The following PDE7B variants were observed in gnomAD, a reference collection of about 807,000 sequenced individuals.
PDE7B encodes the protein 3',5'-cyclic-AMP phosphodiesterase 7B.
A neutral mutation model predicts 56.2 loss-of-function variants in PDE7B; 29 were observed. The ratio of observed to expected loss-of-function variants is 0.52; its 90% CI spans 0.38 to 0.70. PDE7B has a LOEUF of 0.70. Ranked by LOEUF, PDE7B falls within the 30% of genes least tolerant of loss-of-function variation. PDE7B has a pLI of 0.00. For synonymous variants in PDE7B, 197 were observed against 196.9 expected, an observed-to-expected ratio of 1.00 and a Z score of 0.00; for missense variants, 490 against 565.0, an observed-to-expected ratio of 0.87 and a Z score of 1.35.
At chr6:136,055,518 C>G (rs1776714652) in intron 2 of PDE7B, among the ~76,000 whole-genome samples, 2 of 152,156 alleles carry the variant, frequency 1.3e-5, no homozygotes, top group Admixed American at 1.3e-4. Flanking sequence ...ATACATTTTT[C>G]ATTTTATTTG....
At chr6:135,858,965 A>G (rs777736281) in intron 1 of PDE7B, among the ~76,000 whole-genome samples, 9 of 152,110 alleles carry the variant, frequency 5.9e-5, no homozygotes, top group Non-Finnish European at 1.2e-4. Context: ...AGTAGAAAAC[A>G]TTATATTAAG....
intron 8 of PDE7B, among the ~76,000 whole-genome samples, chr6:136,158,705 G>A (rs574601710): frequency 9.8e-5 from 15 of 152,308 alleles, no homozygotes; most frequent in Middle Eastern, 3.4e-3. Context: ...TGCCAACCAA[G>A]TTCAATATGA....
At chr6:135,934,863 A>T (rs1453288946) in intron 1 of PDE7B, among the ~76,000 whole-genome samples, 9 of 105,042 alleles carry the variant, frequency 8.6e-5, no homozygotes, top group South Asian at 2.4e-4. Context: ...AAATATATAT[A>T]AAAATATATA....
intron 1 of PDE7B, among the ~76,000 whole-genome samples, chr6:135,905,977 A>G (rs1350294011): frequency 3.3e-5 from 5 of 152,092 alleles, no homozygotes; most frequent in African/African-American, 9.7e-5. Context: ...TCTTTGTTCA[A>G]ATTATAAAGA....
At chr6:136,169,511 C>T (rs189006944) in intron 8 of PDE7B, among the ~76,000 whole-genome samples, 3 of 152,290 alleles carry the variant, frequency 2.0e-5, no homozygotes, top group African/African-American at 7.2e-5. Context: ...GGCTGGCATA[C>T]ATCACCATGC....
At chr6:136,093,158 G>A (rs896956035) in intron 2 of PDE7B, among the ~76,000 whole-genome samples, 2 of 152,166 alleles carry the variant, frequency 1.3e-5, no homozygotes, top group African/African-American at 4.8e-5. Flanking sequence ...TAATTACCCA[G>A]TATGATGGCT....
chr6:136,047,935 A>T (rs1206800484), intron 2 of PDE7B, among the ~76,000 whole-genome samples: 1 of 152,222 alleles, frequency 6.6e-6, no homozygotes, highest in African/African-American at 2.4e-5. Context: ...ATAATACTCT[A>T]TGGGAACGTA....
intron 3 of PDE7B, among the ~76,000 whole-genome samples, chr6:136,136,964 A>G (rs1181606749): frequency 6.6e-5 from 10 of 152,020 alleles, no homozygotes; most frequent in African/African-American, 2.2e-4. Context: ...TAATCAACAA[A>G]TTTTTTACTG....
rs1779292725 is a variant in PDE7B at position 136,195,034 on chromosome 6, CT to C, written c.*3195del. On this transcript the variant is annotated 3_prime_UTR_variant, in exon 13 of 13. Transcript: ENST00000308191. ...GCTTGAGAAGAAAGGAATCAAAGGA[CT>C]GTGTGTAGTAAGCTGACGGTAAAGT... 6.6e-6 allele frequency: 1 copy of C among 152,158 alleles called. No individual in the cohort carries two copies. Among genetic ancestry groups the C allele is most frequent in the Admixed American group, 6.5e-5 (1 of 15,282 alleles). The allele number at this position is 152,158 out of a possible 1,614,324, so 9.4% of individuals were successfully genotyped here.
chr6:136,084,911 T>C (rs917239119), intron 2 of PDE7B, among the ~76,000 whole-genome samples: 1 of 152,110 alleles, frequency 6.6e-6, no homozygotes, highest in African/African-American at 2.4e-5. Flanking sequence ...AAAAAATCAC[T>C]CCAGAAATTC....
intron 8 of PDE7B, among the ~76,000 whole-genome samples, chr6:136,167,099 G>A (rs1039420865): frequency 6.6e-6 from 1 of 152,134 alleles, no homozygotes; most frequent in African/African-American, 2.4e-5. Context: ...ACTCCCTCCT[G>A]CCTTCAAGCT....
chr6:136,181,185 G>A, intron 10 of PDE7B, 42 bp from the exon 11 acceptor site: 1 of 1,457,738 alleles, frequency 6.9e-7, no homozygotes, highest in East Asian at 2.3e-5. Context: ...GCAACTGAAA[G>A]AACATCCTCT....
intron 3 of PDE7B, among the ~76,000 whole-genome samples, chr6:136,122,944 T>C (rs543442437): frequency 2.4e-4 from 36 of 152,336 alleles, no homozygotes; most frequent in African/African-American, 8.2e-4. Context: ...CTAAGACTGC[T>C]GGGATATTCT....
chr6:136,008,331 T>C (rs1775825272), intron 2 of PDE7B, among the ~76,000 whole-genome samples: 2 of 152,222 alleles, frequency 1.3e-5, no homozygotes. Context: ...TGTCTTATAA[T>C]CCTTTGGGTA....
intron 2 of PDE7B, among the ~76,000 whole-genome samples, chr6:135,967,222 C>T (rs534655429): frequency 2.0e-5 from 3 of 152,268 alleles, no homozygotes; most frequent in Non-Finnish European, 2.9e-5. Flanking sequence ...AGATTGTACA[C>T]CATAATCTCT....
chr6:136,115,339 A>G (rs1263098306), intron 3 of PDE7B, among the ~76,000 whole-genome samples: 1 of 152,170 alleles, frequency 6.6e-6, no homozygotes, highest in East Asian at 1.9e-4. Context: ...CAAGCAGATT[A>G]TGGAAGCAAC....
At chr6:136,164,345 A>G (rs897579962) in intron 8 of PDE7B, among the ~76,000 whole-genome samples, 1 of 152,142 alleles carries the variant, frequency 6.6e-6, no homozygotes, top group Non-Finnish European at 1.5e-5. Context: ...CCATGATTCA[A>G]TTACCTCTCA....
At chr6:135,928,449 T>A (rs867799035) in intron 1 of PDE7B, among the ~76,000 whole-genome samples, 2,260 of 87,276 alleles carry the variant, frequency 0.026, 22 homozygotes, top group African/African-American at 0.03. Context: ...ATATATATAT[T>A]TATTTATATA....
chr6:135,855,073 TGA>T, intron 1 of PDE7B, among the ~76,000 whole-genome samples: 1 of 152,240 alleles, frequency 6.6e-6, no homozygotes, highest in Non-Finnish European at 1.5e-5. Context: ...CAGGCTCTAA[TGA>T]GCTGGGTGAC....
Sources: allele counts gnomAD v4.1 joint callset (sites outside exome capture counted in the v4.1 genomes callset), GRCh38; gene constraint gnomAD v4.1.1; transcripts MANE v1.5; gene names NCBI Gene and HGNC (gene_info 2026-07-23, HGNC 2026-07-21).